Variants in FANCM observed in about 807,000 individuals in gnomAD.
The protein encoded by FANCM is FA complementation group M.
A neutral mutation model predicts 199.5 loss-of-function variants in FANCM; 140 were observed. That is an observed-to-expected ratio of 0.70 (90% CI 0.61 to 0.81). FANCM has a LOEUF of 0.81. Among genes scored for constraint, FANCM ranks in the 30% least tolerant of loss-of-function variants. FANCM has a pLI of 0.00. For missense variants in FANCM, 2,410 were observed against 2,421.4 expected (o/e 1.00, Z 0.10); for synonymous variants, 840 against 836.8 (o/e 1.00, Z -0.07).
intron 17 of FANCM, among the ~76,000 whole-genome samples, 161 bp from the exon 18 acceptor site, chr14:45,185,056 A>G (rs899769006): frequency 1.3e-5 from 2 of 152,008 alleles, no homozygotes; most frequent in Admixed American, 6.6e-5. Context: ...TGCTGGGATT[A>G]CAGACATGCA....
intron 13 of FANCM, 104 bp from the exon 14 acceptor site, chr14:45,174,967 G>T: frequency 1.5e-6 from 1 of 667,796 alleles, no homozygotes. Context: ...CTGGAACAAT[G>T]TAATAATATA....
At chr14:45,152,809 A>G (rs1488726964) in intron 5 of FANCM, among the ~76,000 whole-genome samples, 1 of 152,228 alleles carries the variant, frequency 6.6e-6, no homozygotes, top group South Asian at 2.1e-4. Context: ...AACTTTAACT[A>G]TTATACCACG....
rs774142261 is a variant in FANCM at position 45,175,837 on chromosome 14, A to T, written c.3083A>T (p.His1028Leu). Residue 1028 changes from histidine (H) to leucine (L), a missense_variant, in exon 14 of 23, where the codon CAT (histidine) becomes CTT (leucine). By Grantham distance (99) the His-to-Leu change is moderately conservative. Transcript: ENST00000267430. ...ENLLFLPCAE[H>L]LRSDKCTCLL... ...TTGCTTTTCTTACCCTGTGCAGAGC[A>T]TTTACGAAGTGATAAATGCACCTGT... is the stretch of plus-strand genomic sequence containing the variant. 4.3e-6 allele frequency: 7 copies of T among 1,613,892 alleles called. No individual in the cohort carries two copies. In the African/African-American group the frequency reaches 9.3e-5, roughly 22 times the overall value.
At chr14:45,137,420 G>C in intron 2 of FANCM, 179 bp downstream of exon 2, 1 of 612,982 alleles carries the variant, frequency 1.6e-6, no homozygotes, top group East Asian at 2.8e-5. Flanking sequence ...ATTCAAATCA[G>C]TGTCTTCACT....
chr14:45,198,387 G>A (rs2139326927), intron 21 of FANCM: 3 of 307,534 alleles, frequency 9.8e-6, no homozygotes, highest in South Asian at 1.4e-4. Context: ...TTGGCCTTCA[G>A]GAGTGAATTA....
At position 45,198,646 on chromosome 14, in the gene FANCM, G is replaced by A; in HGVS notation, c.5719G>A (p.Asp1907Asn). 6.2e-7 allele frequency: 1 copy of A among 1,606,010 alleles called. No homozygotes were observed. The highest frequency in any genetic ancestry group is 8.5e-7 in the Non-Finnish European group (1 of 1,174,354). The change falls in exon 22 of 23, where the codon GAC (aspartate) becomes AAC (asparagine). Residue 1907 changes from aspartate (D) to asparagine (N), a missense_variant and splice_region_variant. Asp to Asn is a conservative substitution (Grantham distance 23). Transcript: ENST00000267430. ...TTTCCCTAAATATGAATATTTAGGA[G>A]ACACATCAAGGATGTTTAGGAGAAC... ...IVEKDREKTGDTSRMFRRTKS... is the reference protein window; with the variant it reads ...IVEKDREKTGNTSRMFRRTKS...
chr14:45,176,055 C>T lies in FANCM; in HGVS notation c.3301C>T (p.Gln1101Ter). ...NENLVPNNRVQIHRSPAQNLV... is the reference protein window; with the variant it reads ...NENLVPNNRV Reference sequence around the variant, plus strand: ...AAATTTAGTACCTAACAATCGTGTTCAAATACACAGAAGCCCTGCACAGAA... The same window carrying T: ...AAATTTAGTACCTAACAATCGTGTTTAAATACACAGAAGCCCTGCACAGAA... Residue 1101 changes from glutamine (Q) to a stop codon, truncating the protein, a stop_gained, in exon 14 of 23, where the codon CAA becomes TAA. Coordinates refer to ENST00000267430, the MANE Select transcript of FANCM (RefSeq NM_020937.4). LOFTEE classifies it high-confidence loss of function. The T allele has an allele frequency of 6.2e-7, 1 of 1,613,950 alleles. No individual in the cohort carries two copies. The highest frequency in any genetic ancestry group is 8.5e-7 in the Non-Finnish European group (1 of 1,179,918).
At chr14:45,165,118 C>A (rs1458828520) in intron 10 of FANCM, among the ~76,000 whole-genome samples, 4 of 152,126 alleles carry the variant, frequency 2.6e-5, no homozygotes, top group African/African-American at 9.7e-5. Flanking sequence ...GAGTGACAGG[C>A]CTTTCTAAAT....
At chr14:45,169,045 C>G (rs1404527200) in intron 11 of FANCM, among the ~76,000 whole-genome samples, 1 of 151,944 alleles carries the variant, frequency 6.6e-6, no homozygotes. Flanking sequence ...CCTCAGCCTC[C>G]CAAGTAGCTG....
rs1555364640 is a variant in FANCM, at chr14:45,175,453, C to T, written c.2699C>T (p.Thr900Ile). The T allele has an allele frequency of 6.2e-7, 1 of 1,604,944 alleles. No individual in the cohort carries two copies. The highest frequency in any genetic ancestry group is 2.2e-5 in the East Asian group (1 of 44,734). Residue 900 changes from threonine to isoleucine, a missense_variant, in exon 14 of 23, where the codon ACA (threonine) becomes ATA (isoleucine). By Grantham distance (89) the Thr-to-Ile change is moderately conservative. Transcript: ENST00000267430. ...FQEDLPNDKR[T>I]SDTDEIAATC... Reference sequence around the variant, plus strand: ...GAAGACCTACCAAATGATAAAAGGACATCAGATACAGATGAAATTGCTGCC... The same window carrying T: ...GAAGACCTACCAAATGATAAAAGGATATCAGATACAGATGAAATTGCTGCC...
chr14:45,193,579 C>T (rs1889892932), intron 20 of FANCM, among the ~76,000 whole-genome samples: 1 of 152,022 alleles, frequency 6.6e-6, no homozygotes, highest in African/African-American at 2.4e-5. Flanking sequence ...TATAAAAGTC[C>T]AGCTTTTGTT....
chr14:45,175,011 GA>G, intron 13 of FANCM, 59 bp from the exon 14 acceptor site: 1 of 992,684 alleles, frequency 1.0e-6, no homozygotes, highest in Non-Finnish European at 1.6e-6. Context: ...TCCTCTCTTA[GA>G]TTTGGCTTTC....
intron 8 of FANCM, 92 bp downstream of exon 8, chr14:45,155,551 A>G: frequency 1.4e-6 from 1 of 703,290 alleles, no homozygotes; most frequent in Non-Finnish European, 2.6e-6. Flanking sequence ...CACACCTGTA[A>G]TCCCAGCACT....
rs1885450448 is a variant in FANCM at position 45,135,956 on chromosome 14, T to C, written c.-76T>C. 3.3e-6 allele frequency: 5 copies of C among 1,505,754 alleles called. No homozygotes were observed. Among genetic ancestry groups the C allele is most frequent in the South Asian group, 2.3e-5 (2 of 88,488 alleles). The allele number at this position is 1,505,754 out of a possible 1,614,324, so 93.3% of individuals were successfully genotyped here. ...CAGAGTTTTGTGCGAAGGAAACCGA[T>C]GGGGATCGGAACCGTAGCGGTTGAG... On this transcript the variant is annotated 5_prime_UTR_variant, in exon 1 of 23. The change abolishes an upstream ATG in the 5' untranslated region. Transcript: ENST00000267430.
intron 21 of FANCM, among the ~76,000 whole-genome samples, chr14:45,197,858 T>A (rs1318270300): frequency 6.6e-6 from 1 of 150,522 alleles, no homozygotes; most frequent in African/African-American, 2.4e-5. Flanking sequence ...CCGCCTCCTG[T>A]GTTCAAGTGA....
At chr14:45,173,291 T>C in intron 13 of FANCM, 81 bp downstream of exon 13, 1 of 1,247,216 alleles carries the variant, frequency 8.0e-7, no homozygotes, top group Non-Finnish European at 1.2e-6. Context: ...TAATTTGAAG[T>C]AATAAGAAAT....
Position 45,199,879 on chromosome 14 carries a change from A to G in FANCM, c.6018A>G (p.Gln2006=). 3 of 1,612,368 alleles carry G rather than the reference A, an allele frequency of 1.9e-6. No individual in the cohort carries two copies. Among genetic ancestry groups the G allele is most frequent in the Non-Finnish European group, 2.5e-6 (3 of 1,178,796 alleles). The change falls in exon 23 of 23, where the codon CAA becomes CAG. Residue 2006 remains glutamine, a synonymous_variant. Coordinates refer to ENST00000267430, the MANE Select transcript of FANCM (RefSeq NM_020937.4). ...CTCATTTATTTTTCAGCTCACTTCA[A>G]GAAATCTCCATGTATGCACAAGTAA... is the stretch of plus-strand genomic sequence containing the variant. The part of the protein sequence containing the change: ...SVKRMANSSL[Q]EISMYAQVTH...
At chr14:45,199,602 T>C (rs1381720830) in intron 22 of FANCM, among the ~76,000 whole-genome samples, 2 of 152,186 alleles carry the variant, frequency 1.3e-5, no homozygotes, top group Non-Finnish European at 1.5e-5. Context: ...TACCATCACA[T>C]TGGGATTACG....
chr14:45,137,592 A>G (rs1431827193), intron 2 of FANCM: 3 of 292,996 alleles, frequency 1.0e-5, no homozygotes, highest in African/African-American at 4.4e-5. Context: ...TTGGTAGTGG[A>G]TATGCGGTGT....
Sources: allele counts gnomAD v4.1 joint callset (sites outside exome capture counted in the v4.1 genomes callset), GRCh38; gene constraint gnomAD v4.1.1; transcripts MANE v1.5; gene names NCBI Gene and HGNC (gene_info 2026-07-23, HGNC 2026-07-21).